Variants in ITGB5 observed in about 807,000 individuals in gnomAD.
ITGB5 encodes integrin beta-5.
A neutral mutation model predicts 84.8 loss-of-function variants in ITGB5; 38 were observed. The observed-to-expected ratio is 0.45, with a 90% CI of 0.35 to 0.59. The LOEUF (loss-of-function observed/expected upper bound fraction) is 0.59. Among genes scored for constraint, ITGB5 ranks in the 20% least tolerant of loss-of-function variants. ITGB5 has a pLI of 0.01. For synonymous variants in ITGB5, 393 were observed against 414.4 expected (o/e 0.95, Z 0.63); for missense variants, 905 against 1,034.5 (o/e 0.87, Z 1.72).
intron 10 of ITGB5, among the ~76,000 whole-genome samples, chr3:124,775,444 T>G (rs2063913046): frequency 6.6e-6 from 1 of 152,050 alleles, no homozygotes; most frequent in Admixed American, 6.6e-5. Context: ...GTGAGCGTGC[T>G]GGACTGTGAA....
intron 5 of ITGB5, among the ~76,000 whole-genome samples, chr3:124,827,211 G>A (rs4677947): frequency 0.27 from 41,087 of 151,866 alleles, 6,158 homozygotes; most frequent in African/African-American, 0.39. Flanking sequence ...TCTTTGCTCT[G>A]TTCTAACTGT....
chr3:124,805,133 TTCTC>T (rs113766698), intron 9 of ITGB5, among the ~76,000 whole-genome samples: 17 of 142,100 alleles, frequency 1.2e-4, no homozygotes, highest in African/African-American at 2.6e-4. Context: ...CTTTCTCCCT[TTCTC>T]TCTCTCTCTC....
intron 9 of ITGB5, among the ~76,000 whole-genome samples, chr3:124,806,106 C>T (rs2064397907): frequency 1.3e-5 from 2 of 152,210 alleles, no homozygotes; most frequent in South Asian, 2.1e-4. Flanking sequence ...TCTCAGAAAA[C>T]ATGTTCACCC....
chr3:124,866,061 T>G (rs563162675), intron 2 of ITGB5, among the ~76,000 whole-genome samples: 77 of 152,238 alleles, frequency 5.1e-4, no homozygotes, highest in African/African-American at 1.8e-3. Flanking sequence ...AGTGGTATGA[T>G]CTCGGCTCAC....
chr3:124,766,070 A>G (rs1435235907), intron 13 of ITGB5, among the ~76,000 whole-genome samples, 156 bp downstream of exon 13: 1 of 151,898 alleles, frequency 6.6e-6, no homozygotes, highest in Non-Finnish European at 1.5e-5. Context: ...AAAAAAAAAA[A>G]AAAAAAGAAA....
chr3:124,779,222 C>T (rs1479706340), intron 10 of ITGB5, among the ~76,000 whole-genome samples: 4 of 151,556 alleles, frequency 2.6e-5, no homozygotes, highest in Admixed American at 1.3e-4. Flanking sequence ...GAACTCGGGG[C>T]AGAGGGCGAG....
chr3:124,841,149 C>A (rs1418766672), intron 5 of ITGB5, among the ~76,000 whole-genome samples: 4 of 152,182 alleles, frequency 2.6e-5, no homozygotes, highest in Non-Finnish European at 5.9e-5. Context: ...TACTCCATTG[C>A]ACACAACCAC....
Position 124,859,313 on chromosome 3 carries a change from T to C in ITGB5, c.290A>G (p.Lys97Arg), listed in dbSNP as rs1298052423. The C allele has an allele frequency of 3.7e-6, 6 of 1,613,988 alleles. No homozygotes were observed. The highest frequency in any genetic ancestry group is 1.7e-5 in the Admixed American group (1 of 59,998). Reference protein sequence around the residue: ...HVLRSLPLSSKGSGSAGWDVI... With the variant: ...HVLRSLPLSSRGSGSAGWDVI... Reference sequence around the variant, plus strand: ...GTCCCAGCCTGCAGAGCCCGAACCCTTGCTGCTGAGGGGCAGGCTCCTCAG... The same window carrying C: ...GTCCCAGCCTGCAGAGCCCGAACCCCTGCTGCTGAGGGGCAGGCTCCTCAG... The change falls in exon 3 of 15, where the codon AAG (lysine) becomes AGG (arginine). Residue 97 changes from lysine to arginine, a missense_variant. Coordinates refer to ENST00000296181, the MANE Select transcript of ITGB5 (RefSeq NM_002213.5).
chr3:124,836,213 T>TA (rs5852430), intron 5 of ITGB5, among the ~76,000 whole-genome samples: 91,537 of 147,766 alleles, frequency 0.62, 28,324 homozygotes, highest in East Asian at 0.77. Context: ...AATGTATTAT[T>TA]AAAAAAAAAA....
chr3:124,782,623 C>T (rs1191732447), intron 10 of ITGB5, among the ~76,000 whole-genome samples: 2 of 151,612 alleles, frequency 1.3e-5, no homozygotes, highest in East Asian at 3.9e-4. Flanking sequence ...TTTGGGAGGC[C>T]GAGGCGGGAG....
chr3:124,859,514 T>C, intron 2 of ITGB5, 68 bp from the exon 3 acceptor site: 1 of 1,232,166 alleles, frequency 8.1e-7, no homozygotes, highest in South Asian at 1.3e-5. Flanking sequence ...TCGCATGTCG[T>C]GGCTGCGTCT....
rs532408728 is a variant in ITGB5 at position 124,763,569 on chromosome 3, T to C, written c.*54A>G. ...CAAGCCGAGCAGCCGTGCAAGGCGT[T>C]TCAGTCTGACCTTTTCATCAGATCC... On this transcript the variant is annotated 3_prime_UTR_variant, in exon 15 of 15. Transcript: ENST00000296181. 8 of 1,119,766 alleles carry C rather than the reference T, an allele frequency of 7.1e-6. No homozygotes were observed. Among genetic ancestry groups the C allele is most frequent in the Middle Eastern group, 2.0e-4 (1 of 5,106 alleles). 69.4% of individuals were successfully genotyped at this position (1,119,766 alleles called of 1,614,324 possible). A position where few individuals can be genotyped will look rare whatever the true frequency, so the allele number is the denominator to read the frequency against.
At chr3:124,830,468 A>G (rs1014696331) in intron 5 of ITGB5, among the ~76,000 whole-genome samples, 3 of 152,240 alleles carry the variant, frequency 2.0e-5, no homozygotes, top group Non-Finnish European at 4.4e-5. Flanking sequence ...TGAGAACCAG[A>G]GAAGACAGGC....
intron 13 of ITGB5, among the ~76,000 whole-genome samples, chr3:124,765,938 A>G (rs1431348364): frequency 6.6e-6 from 1 of 151,904 alleles, no homozygotes; most frequent in African/African-American, 2.4e-5. Context: ...GCATGCCTGT[A>G]GTGCCAGCTG....
intron 1 of ITGB5, among the ~76,000 whole-genome samples, chr3:124,893,535 G>A (rs1041831883): frequency 6.6e-6 from 1 of 152,110 alleles, no homozygotes. Flanking sequence ...TTAGGAAAAA[G>A]TAATCCCTGT....
intron 5 of ITGB5, among the ~76,000 whole-genome samples, chr3:124,823,609 G>A (rs751650045): frequency 1.6e-4 from 24 of 149,370 alleles, no homozygotes; most frequent in Middle Eastern, 3.5e-3. Flanking sequence ...AGCATTTATC[G>A]AGATGTATAG....
At chr3:124,877,194 G>T (rs1188496821) in intron 1 of ITGB5, among the ~76,000 whole-genome samples, 1 of 147,918 alleles carries the variant, frequency 6.8e-6, no homozygotes, top group Non-Finnish European at 1.5e-5. Flanking sequence ...GCCCAGGCTG[G>T]TCTCAAACTC....
At chr3:124,889,776 G>A (rs1490462054), upstream of ITGB5, among the ~76,000 whole-genome samples, 1 of 152,150 alleles carries the variant, frequency 6.6e-6, no homozygotes, top group Admixed American at 6.5e-5. Flanking sequence ...CACTTTGGGA[G>A]ACCCAGTCGG....
intron 2 of ITGB5, among the ~76,000 whole-genome samples, chr3:124,861,185 GTTGT>G (rs1235336372): frequency 5.9e-5 from 9 of 151,668 alleles, no homozygotes. Flanking sequence ...TATATTCTGG[GTTGT>G]TTTTTTTTAA....
Sources: gnomAD v4.1 joint callset for allele counts (sites outside exome capture counted in the v4.1 genomes callset) on GRCh38, gnomAD v4.1.1 for gene constraint, MANE v1.5 for transcripts, NCBI Gene and HGNC (gene_info 2026-07-23, HGNC 2026-07-21) for gene names.